SNX7: variants seen among roughly 807,000 people sequenced by gnomAD.
The protein encoded by SNX7 is sorting nexin-7.
SNX7 carries 35 observed loss-of-function variants against 48.4 expected under a neutral mutation model. That is an observed-to-expected ratio of 0.72 (90% CI 0.55 to 0.96). The LOEUF is 0.96. Among genes scored for constraint, SNX7 ranks in the 40% least tolerant of loss-of-function variants. The pLI, the probability that SNX7 is intolerant of heterozygous loss-of-function variation, is 0.00. For synonymous variants in SNX7, 190 were observed against 190.2 expected, an observed-to-expected ratio of 1.00 and a Z score of 0.01; for missense variants, 553 against 548.9, an observed-to-expected ratio of 1.01 and a Z score of -0.07.
intron 8 of SNX7, among the ~76,000 whole-genome samples, chr1:98,758,170 C>T (rs1051603303): frequency 6.6e-6 from 1 of 151,946 alleles, no homozygotes; most frequent in African/African-American, 2.4e-5. Context: ...ACCCTCCATG[C>T]CCCCCAAATC....
chr1:98,697,481 C>A (rs567695045), intron 5 of SNX7, among the ~76,000 whole-genome samples: 2 of 152,054 alleles, frequency 1.3e-5, no homozygotes, highest in South Asian at 4.2e-4. Flanking sequence ...AAAAGCTATA[C>A]ATCATTGAAA....
At chr1:98,671,866 TATATC>T (rs1649884280) in intron 1 of SNX7, among the ~76,000 whole-genome samples, 2 of 152,214 alleles carry the variant, frequency 1.3e-5, no homozygotes, top group Non-Finnish European at 2.9e-5. Context: ...AAAATGATTT[TATATC>T]ATAGTTTTAT....
chr1:98,725,274 C>G (rs1189664042), intron 7 of SNX7, among the ~76,000 whole-genome samples: 1 of 152,124 alleles, frequency 6.6e-6, no homozygotes, highest in Non-Finnish European at 1.5e-5. Context: ...CTTAGGCCAT[C>G]ACTGTGTGTT....
At chr1:98,666,076 T>C (rs932534059) in intron 1 of SNX7, among the ~76,000 whole-genome samples, 56 of 152,244 alleles carry the variant, frequency 3.7e-4, no homozygotes, top group African/African-American at 1.4e-3. Flanking sequence ...TCCTGCTTAC[T>C]AATTTCTCAC....
chr1:98,705,474 G>A (rs893056604), intron 7 of SNX7, among the ~76,000 whole-genome samples: 1 of 152,172 alleles, frequency 6.6e-6, no homozygotes, highest in African/African-American at 2.4e-5. Flanking sequence ...ATTAAATTGT[G>A]TAATGCAAAT....
chr1:98,710,580 A>T (rs139552381), intron 7 of SNX7, among the ~76,000 whole-genome samples: 5 of 152,258 alleles, frequency 3.3e-5, no homozygotes, highest in African/African-American at 1.2e-4. Context: ...GGTGTGTTTT[A>T]TGGGGTTTGC....
At chr1:98,666,876 A>G (rs1649564030) in intron 1 of SNX7, among the ~76,000 whole-genome samples, 1 of 152,118 alleles carries the variant, frequency 6.6e-6, no homozygotes, top group East Asian at 1.9e-4. Context: ...ATGTTAGGAA[A>G]CCCATGTTAC....
intron 1 of SNX7, among the ~76,000 whole-genome samples, chr1:98,679,255 A>G (rs1024511285): frequency 2.6e-5 from 4 of 152,086 alleles, no homozygotes; most frequent in Non-Finnish European, 5.9e-5. Flanking sequence ...ATCTCGTGAA[A>G]CGTATTCATT....
chr1:98,719,065 G>A (rs149588744), intron 7 of SNX7, among the ~76,000 whole-genome samples: 5 of 152,124 alleles, frequency 3.3e-5, no homozygotes, highest in South Asian at 2.1e-4. Context: ...TTGCTAAATC[G>A]GAGGGTATTT....
intron 3 of SNX7, among the ~76,000 whole-genome samples, 153 bp downstream of exon 3, chr1:98,691,338 ATT>A (rs36004083): frequency 6.7e-6 from 1 of 150,014 alleles, no homozygotes; most frequent in Non-Finnish European, 1.5e-5. Context: ...ATCAATGTAC[ATT>A]TTTTTTTTAA....
chr1:98,714,097 A>C (rs1262457420), intron 7 of SNX7, among the ~76,000 whole-genome samples: 2 of 152,236 alleles, frequency 1.3e-5, no homozygotes, highest in Non-Finnish European at 2.9e-5. Flanking sequence ...TTGTATAATT[A>C]GTAGACTTTG....
intron 7 of SNX7, 82 bp from the exon 8 acceptor site, chr1:98,738,155 T>C: frequency 6.9e-7 from 1 of 1,441,948 alleles, no homozygotes; most frequent in South Asian, 1.3e-5. Context: ...TGTTTTGGTA[T>C]TTTGTTCAAC....
At chr1:98,661,570 C>T (rs1421425843), upstream of SNX7, 3 of 605,292 alleles carry the variant, frequency 5.0e-6, no homozygotes, top group Middle Eastern at 6.0e-4. Flanking sequence ...ATGCGCCCGG[C>T]CCGGGCCAGC....
intron 1 of SNX7, among the ~76,000 whole-genome samples, chr1:98,667,487 C>T (rs558589153): frequency 1.3e-5 from 2 of 152,284 alleles, no homozygotes; most frequent in African/African-American, 4.8e-5. Flanking sequence ...AGCTATCCTC[C>T]TACCTCAGCC....
intron 2 of SNX7, among the ~76,000 whole-genome samples, chr1:98,689,362 C>T (rs924987763): frequency 1.3e-5 from 2 of 152,144 alleles, no homozygotes; most frequent in Admixed American, 1.3e-4. Context: ...TGAAATCTTA[C>T]AGTAGGAAGA....
At chr1:98,705,333 A>G (rs1050853449) in intron 7 of SNX7, among the ~76,000 whole-genome samples, 1 of 152,142 alleles carries the variant, frequency 6.6e-6, no homozygotes, top group Non-Finnish European at 1.5e-5. Flanking sequence ...TGATAAATCA[A>G]AGATCAAATC....
In SNX7 at chr1:98,680,525, A is replaced by G. The variant is rs577831231; in HGVS notation, c.181-4360A>G. On this transcript the variant is annotated intron_variant, in intron 1 of 8. Coordinates refer to ENST00000306121, the MANE Select transcript of SNX7 (RefSeq NM_015976.5). ...CTTTTCTATCACATTATCAGGCTGC[A>G]AAAGTTCTGGACTTTTATGCTCCGC... is the stretch of plus-strand genomic sequence containing the variant. 8.5e-5 allele frequency among the ~76,000 whole-genome samples: 13 copies of G among 152,286 alleles called. No individual in the cohort carries two copies. In the South Asian group the frequency reaches 2.1e-3, roughly 24 times the overall value.
chr1:98,704,234 A>C (rs1204156536), intron 7 of SNX7, among the ~76,000 whole-genome samples: 1 of 152,204 alleles, frequency 6.6e-6, no homozygotes, highest in Admixed American at 6.5e-5. Flanking sequence ...ATACCCATGT[A>C]GCTGCTACAT....
chr1:98,706,419 G>C (rs1197137212), intron 7 of SNX7, among the ~76,000 whole-genome samples: 1 of 152,154 alleles, frequency 6.6e-6, no homozygotes, highest in Non-Finnish European at 1.5e-5. Context: ...AAGAAGACCA[G>C]TGTTGCAGAA....
Sources: allele counts gnomAD v4.1 joint callset (sites outside exome capture counted in the v4.1 genomes callset), GRCh38; gene constraint gnomAD v4.1.1; transcripts MANE v1.5; gene names NCBI Gene and HGNC (gene_info 2026-07-23, HGNC 2026-07-21).